Variants in SPMIP2 observed in about 807,000 individuals in gnomAD.
SPMIP2 encodes the protein sperm microtubule inner protein 2.
the SPMIP2 span, among the ~76,000 whole-genome samples, chr4:159,060,526 T>C: frequency 6.6e-6 from 1 of 152,282 alleles, no homozygotes; most frequent in East Asian, 1.9e-4. Flanking sequence ...TTAGTAACGA[T>C]GGTGGCCTGA....
At chr4:158,989,227 A>G in the SPMIP2 span, among the ~76,000 whole-genome samples, 90 of 152,242 alleles carry the variant, frequency 5.9e-4, no homozygotes, top group Non-Finnish European at 9.7e-4. Context: ...GCTCAAGGAA[A>G]TGCGAGAGGA....
the SPMIP2 span, among the ~76,000 whole-genome samples, chr4:158,898,980 T>G: frequency 6.6e-6 from 1 of 152,226 alleles, no homozygotes; most frequent in East Asian, 1.9e-4. Context: ...GCTGTGGGTT[T>G]GTCAGAAATA....
the SPMIP2 span, among the ~76,000 whole-genome samples, chr4:159,057,710 T>C: frequency 6.6e-6 from 1 of 152,238 alleles, no homozygotes; most frequent in Admixed American, 6.5e-5. Flanking sequence ...ATAAATGTAT[T>C]AAAATGAAAA....
At chr4:159,062,373 T>G in the SPMIP2 span, among the ~76,000 whole-genome samples, 1 of 152,212 alleles carries the variant, frequency 6.6e-6, no homozygotes, top group African/African-American at 2.4e-5. Flanking sequence ...ACCTATCATA[T>G]GCTAGCCATT....
chr4:158,941,116 GA>G, the SPMIP2 span, among the ~76,000 whole-genome samples: 2 of 150,720 alleles, frequency 1.3e-5, no homozygotes, highest in African/African-American at 2.4e-5. Flanking sequence ...AATAGCGCCA[GA>G]AAAAAAAATG....
At chr4:158,988,341 C>G in the SPMIP2 span, among the ~76,000 whole-genome samples, 149,776 of 152,310 alleles carry the variant, frequency 0.98, 73,688 homozygotes, top group East Asian at 1. Flanking sequence ...CATTCCTTCT[C>G]AAACTATTCC....
chr4:159,037,827 C>CACACACACACAT, the SPMIP2 span, among the ~76,000 whole-genome samples: 1 of 125,922 alleles, frequency 7.9e-6, no homozygotes, highest in African/African-American at 2.9e-5. Flanking sequence ...CACACACACA[C>CACACACACACAT]ATATATATAT....
chr4:158,911,555 C>T, the SPMIP2 span, among the ~76,000 whole-genome samples: 1 of 116,938 alleles, frequency 8.6e-6, no homozygotes, highest in African/African-American at 3.7e-5. Flanking sequence ...CTAGAATAGA[C>T]TTCCCTTTGC....
chr4:159,020,177 C>T, the SPMIP2 span, among the ~76,000 whole-genome samples: 1 of 151,744 alleles, frequency 6.6e-6, no homozygotes, highest in African/African-American at 2.4e-5. Context: ...AATAATGTAA[C>T]TAGAGACTAA....
chr4:158,972,942 T>G, the SPMIP2 span: 1 of 631,726 alleles, frequency 1.6e-6, no homozygotes, highest in Admixed American at 2.9e-5. Context: ...TTCACACATG[T>G]GTCTTTCTGC....
the SPMIP2 span, among the ~76,000 whole-genome samples, chr4:158,946,418 G>A: frequency 0.99 from 151,141 of 152,298 alleles, 75,004 homozygotes; most frequent in East Asian, 1. Flanking sequence ...TTTCAGGGGG[G>A]GGGACCCGGT....
chr4:158,930,936 CT>C, the SPMIP2 span, among the ~76,000 whole-genome samples: 104,399 of 152,010 alleles, frequency 0.69, 36,046 homozygotes, highest in East Asian at 0.9. Flanking sequence ...TGTTAAACCT[CT>C]TGAATATATA....
At chr4:159,069,878 T>TG in the SPMIP2 span, among the ~76,000 whole-genome samples, 2 of 152,180 alleles carry the variant, frequency 1.3e-5, no homozygotes, top group African/African-American at 4.8e-5. Flanking sequence ...TTAACAAGAA[T>TG]GGCTTCCACC....
chr4:159,024,583 T>C, the SPMIP2 span, among the ~76,000 whole-genome samples: 1 of 152,136 alleles, frequency 6.6e-6, no homozygotes, highest in Non-Finnish European at 1.5e-5. Flanking sequence ...ACAGACAAAA[T>C]GACGCCTGTA....
chr4:158,897,156 T>C, the SPMIP2 span, among the ~76,000 whole-genome samples: 2 of 152,364 alleles, frequency 1.3e-5, no homozygotes, highest in African/African-American at 4.8e-5. Flanking sequence ...TCCGTGTCCC[T>C]GCAGAGGACA....
At chr4:158,940,394 A>G in the SPMIP2 span, among the ~76,000 whole-genome samples, 2 of 152,144 alleles carry the variant, frequency 1.3e-5, no homozygotes, top group Non-Finnish European at 2.9e-5. Context: ...AATTCAACCC[A>G]AGGAAACAAT....
the SPMIP2 span, among the ~76,000 whole-genome samples, chr4:158,927,733 A>G: frequency 0.71 from 107,707 of 152,224 alleles, 38,893 homozygotes; most frequent in East Asian, 0.95. Context: ...CGGGCTGCGC[A>G]AGGTGCTTGC....
the SPMIP2 span, among the ~76,000 whole-genome samples, chr4:159,026,902 T>C: frequency 6.6e-6 from 1 of 150,378 alleles, no homozygotes; most frequent in Non-Finnish European, 1.5e-5. Context: ...TATGCATATA[T>C]AAAACAAAAC....
the SPMIP2 span, among the ~76,000 whole-genome samples, chr4:159,018,052 A>G: frequency 9.2e-5 from 14 of 152,176 alleles, no homozygotes; most frequent in Non-Finnish European, 2.9e-5. Flanking sequence ...GAGGTCTCTT[A>G]TCACCCACAA....
Sources: gnomAD v4.1 joint callset for allele counts (sites outside exome capture counted in the v4.1 genomes callset) on GRCh38, gnomAD v4.1.1 for gene constraint, MANE v1.5 for transcripts, NCBI Gene and HGNC (gene_info 2026-07-23, HGNC 2026-07-21) for gene names.